RAB38: variants seen among roughly 807,000 people sequenced by gnomAD.
RAB38 encodes RAB38, member RAS oncogene family, also known as ras-related protein Rab-38.
Under a neutral mutation model 18.4 loss-of-function variants are expected in RAB38, and 15 were observed. The ratio of observed to expected loss-of-function variants is 0.82; its 90% confidence interval spans 0.55 to 1.26. The LOEUF is 1.26. Ranked by LOEUF, RAB38 falls within the 50% of genes most tolerant of loss-of-function variation. RAB38 has a pLI of 0.00. For synonymous variants in RAB38, 101 were observed against 104.4 expected (o/e 0.97, Z 0.20); for missense variants, 294 against 267.4 (o/e 1.10, Z -0.69).
the RAB38 span, chr11:87,815,950 AAT>A: frequency 6.6e-6 from 1 of 152,428 alleles, no homozygotes; most frequent in East Asian, 1.9e-4. Flanking sequence ...CATCTCGGCT[AAT>A]ATGAGTGACT....
At chr11:88,108,168 A>AT in the RAB38 span, among the ~76,000 whole-genome samples, 2 of 152,054 alleles carry the variant, frequency 1.3e-5, no homozygotes, top group Admixed American at 6.6e-5. Context: ...CAAGTCCTGA[A>AT]TATCCTTGTT....
chr11:87,813,776 C>T, the RAB38 span, among the ~76,000 whole-genome samples: 1 of 151,804 alleles, frequency 6.6e-6, no homozygotes, highest in Non-Finnish European at 1.5e-5. Flanking sequence ...ATGCCAAGTT[C>T]TGTTAGCTTG....
At chr11:87,845,751 C>T in the RAB38 span, among the ~76,000 whole-genome samples, 1 of 152,000 alleles carries the variant, frequency 6.6e-6, no homozygotes, top group South Asian at 2.1e-4. Flanking sequence ...AGACAAACTG[C>T]TCAATTCAAA....
downstream of RAB38, among the ~76,000 whole-genome samples, chr11:88,108,674 A>G (rs995081936): frequency 6.6e-6 from 1 of 151,576 alleles, no homozygotes; most frequent in African/African-American, 2.4e-5. Flanking sequence ...TGTGAATTTG[A>G]TCCTGTCATT....
chr11:88,152,941 C>T (rs1434817214), intron 1 of RAB38, among the ~76,000 whole-genome samples: 1 of 152,252 alleles, frequency 6.6e-6, no homozygotes, highest in Non-Finnish European at 1.5e-5. Flanking sequence ...AAATAATCCA[C>T]TTCCACATAG....
intron 1 of RAB38, among the ~76,000 whole-genome samples, chr11:88,155,955 T>C (rs1235121072): frequency 1.3e-5 from 2 of 152,222 alleles, no homozygotes; most frequent in Admixed American, 1.3e-4. Context: ...TCTTGTGAAC[T>C]AACCCAGTCA....
chr11:88,069,844 T>G, the RAB38 span, among the ~76,000 whole-genome samples: 116,921 of 150,858 alleles, frequency 0.78, 45,529 homozygotes, highest in African/African-American at 0.85. Context: ...TCTAGTGGGT[T>G]ACTTGGAGAA....
chr11:88,046,965 T>C, the RAB38 span, among the ~76,000 whole-genome samples: 3 of 152,120 alleles, frequency 2.0e-5, no homozygotes, highest in Non-Finnish European at 4.4e-5. Flanking sequence ...ACACAAGGAC[T>C]GGGACCATGC....
chr11:87,943,056 A>G, the RAB38 span, among the ~76,000 whole-genome samples: 1 of 152,168 alleles, frequency 6.6e-6, no homozygotes, highest in African/African-American at 2.4e-5. Flanking sequence ...GTAAAAATGA[A>G]TGAAGTGAAA....
At chr11:88,081,727 T>G in the RAB38 span, among the ~76,000 whole-genome samples, 98 of 152,028 alleles carry the variant, frequency 6.4e-4, 1 homozygote, top group African/African-American at 2.2e-3. Flanking sequence ...GAGTCTTACC[T>G]TAATTATATC....
the RAB38 span, among the ~76,000 whole-genome samples, chr11:87,855,840 G>C: frequency 6.7e-6 from 1 of 150,168 alleles, no homozygotes; most frequent in Admixed American, 6.7e-5. Context: ...TCTCTCAGTT[G>C]ATTAGGATAG....
the RAB38 span, among the ~76,000 whole-genome samples, chr11:88,020,222 C>T: frequency 6.6e-6 from 1 of 152,080 alleles, no homozygotes; most frequent in African/African-American, 2.4e-5. Context: ...AAACACACTT[C>T]ACCAATAGAG....
At chr11:88,069,243 C>G in the RAB38 span, among the ~76,000 whole-genome samples, 1 of 152,218 alleles carries the variant, frequency 6.6e-6, no homozygotes, top group Non-Finnish European at 1.5e-5. Flanking sequence ...GCCAGCCCAC[C>G]CGTGCTGTGC....
intron 2 of RAB38, among the ~76,000 whole-genome samples, chr11:88,127,666 A>G (rs934963984): frequency 2.0e-5 from 3 of 152,180 alleles, no homozygotes; most frequent in Non-Finnish European, 4.4e-5. Flanking sequence ...TGTTTTCTAA[A>G]ATATGATTTT....
At chr11:87,903,048 T>G in the RAB38 span, among the ~76,000 whole-genome samples, 1 of 151,384 alleles carries the variant, frequency 6.6e-6, no homozygotes, top group Non-Finnish European at 1.5e-5. Context: ...ATTAAATTGA[T>G]GTATTCCCAT....
chr11:87,853,633 A>G, the RAB38 span, among the ~76,000 whole-genome samples: 4 of 137,060 alleles, frequency 2.9e-5, no homozygotes, highest in Admixed American at 1.4e-4. Context: ...TAACTGGAGC[A>G]GATGTTTGTG....
chr11:87,941,591 C>T, the RAB38 span, among the ~76,000 whole-genome samples: 1 of 151,902 alleles, frequency 6.6e-6, no homozygotes, highest in Non-Finnish European at 1.5e-5. Flanking sequence ...ACTGAGCATC[C>T]AGAAAATACT....
the RAB38 span, among the ~76,000 whole-genome samples, chr11:87,954,433 T>TCAGGGAATTTGTGTGCTGTGTTGTCA: frequency 6.6e-6 from 1 of 152,174 alleles, no homozygotes; most frequent in Non-Finnish European, 1.5e-5. Context: ...TAATTGGTCT[T>TCAGGGAATTTGTGTGCTGTGTTGTCA]CAGGGAATTT....
the RAB38 span, among the ~76,000 whole-genome samples, chr11:87,974,500 T>C: frequency 2.0e-5 from 3 of 151,774 alleles, no homozygotes; most frequent in Non-Finnish European, 1.5e-5. Flanking sequence ...GGTGTTAAAA[T>C]AGTGTAATAT....
Sources: allele counts gnomAD v4.1 joint callset (sites outside exome capture counted in the v4.1 genomes callset), GRCh38; gene constraint gnomAD v4.1.1; transcripts MANE v1.5; gene names NCBI Gene and HGNC (gene_info 2026-07-23, HGNC 2026-07-21).